RHOU: variants seen among roughly 807,000 people sequenced by gnomAD.
RHOU encodes ras homolog family member U, also known as rho-related GTP-binding protein RhoU.
RHOU carries 8 observed loss-of-function variants against 12.6 expected under a neutral mutation model. The observed-to-expected ratio is 0.64, with a 90% CI of 0.37 to 1.15. RHOU has a LOEUF of 1.15. RHOU is among the 50% of genes most tolerant of loss of function. The pLI is 0.01. For missense variants in RHOU, 258 were observed against 347.0 expected, an observed-to-expected ratio of 0.74 and a Z score of 2.04; for synonymous variants, 161 against 147.4, an observed-to-expected ratio of 1.09 and a Z score of -0.67.
the RHOU span, among the ~76,000 whole-genome samples, chr1:228,676,321 TC>T: frequency 1.3e-5 from 2 of 152,138 alleles, no homozygotes; most frequent in Non-Finnish European, 2.9e-5. Context: ...TTAAAGGGGT[TC>T]ACATTCCTCA....
At chr1:228,666,720 T>C in the RHOU span, among the ~76,000 whole-genome samples, 1 of 152,192 alleles carries the variant, frequency 6.6e-6, no homozygotes, top group Admixed American at 6.5e-5. Flanking sequence ...CTCAGGCTAC[T>C]TGGGTACTAA....
chr1:228,720,196 T>C, the RHOU span, among the ~76,000 whole-genome samples: 1 of 152,108 alleles, frequency 6.6e-6, no homozygotes, highest in African/African-American at 2.4e-5. Flanking sequence ...GGACTCCTAT[T>C]AGATTATGGG....
chr1:228,676,941 A>T, the RHOU span, among the ~76,000 whole-genome samples: 4 of 151,902 alleles, frequency 2.6e-5, no homozygotes, highest in East Asian at 7.7e-4. Flanking sequence ...GGATGTATGC[A>T]TGCAGGCCAC....
the RHOU span, among the ~76,000 whole-genome samples, chr1:228,690,513 C>T: frequency 0.13 from 20,149 of 151,724 alleles, 1,740 homozygotes; most frequent in African/African-American, 0.24. Flanking sequence ...TTAGTAGAGA[C>T]GGGGTTTCTC....
the RHOU span, chr1:228,650,860 G>A: frequency 5.0e-6 from 2 of 399,554 alleles, no homozygotes; most frequent in Middle Eastern, 4.0e-4. Flanking sequence ...ATGTCCCCTT[G>A]TGGACCTGGC....
chr1:228,675,777 A>G, the RHOU span, among the ~76,000 whole-genome samples: 1 of 152,200 alleles, frequency 6.6e-6, no homozygotes, highest in Non-Finnish European at 1.5e-5. Context: ...ATATTCAGAG[A>G]TCTTACAGGA....
At chr1:228,709,391 T>C in the RHOU span, among the ~76,000 whole-genome samples, 8 of 147,824 alleles carry the variant, frequency 5.4e-5, no homozygotes, top group African/African-American at 2.0e-4. Flanking sequence ...TATTCCAAAA[T>C]TGACCACATA....
the RHOU span, among the ~76,000 whole-genome samples, chr1:228,651,609 G>A: frequency 6.6e-6 from 1 of 152,302 alleles, no homozygotes; most frequent in South Asian, 2.1e-4. Context: ...GCTGACTACT[G>A]TACTTCCAGA....
the RHOU span, among the ~76,000 whole-genome samples, chr1:228,692,552 T>G: frequency 6.9e-6 from 1 of 144,772 alleles, no homozygotes; most frequent in South Asian, 2.1e-4. Flanking sequence ...TTTCAGATGC[T>G]ACTTTTCTGT....
the RHOU span, among the ~76,000 whole-genome samples, chr1:228,700,303 T>C: frequency 1.3e-5 from 2 of 152,360 alleles, no homozygotes; most frequent in East Asian, 3.9e-4. Context: ...TGATGTAGCA[T>C]GAAAATCTGG....
chr1:228,713,590 C>T, the RHOU span, among the ~76,000 whole-genome samples: 1 of 152,100 alleles, frequency 6.6e-6, no homozygotes, highest in Admixed American at 6.5e-5. Flanking sequence ...CCTCGGCCTC[C>T]CAAAGTGCTG....
chr1:228,655,610 A>G, the RHOU span, among the ~76,000 whole-genome samples: 1 of 152,184 alleles, frequency 6.6e-6, no homozygotes, highest in Admixed American at 6.5e-5. Flanking sequence ...TGTTGCTCAA[A>G]TGTGGCAAAA....
At chr1:228,708,087 G>T in the RHOU span, among the ~76,000 whole-genome samples, 1 of 152,154 alleles carries the variant, frequency 6.6e-6, no homozygotes, top group Non-Finnish European at 1.5e-5. Flanking sequence ...ATAAAATGAA[G>T]GGAGAAGGGA....
At chr1:228,685,347 T>C in the RHOU span, among the ~76,000 whole-genome samples, 17 of 152,220 alleles carry the variant, frequency 1.1e-4, no homozygotes, top group Non-Finnish European at 2.2e-4. Context: ...TCTATTAAGA[T>C]GGAGTTGCTC....
the RHOU span, among the ~76,000 whole-genome samples, chr1:228,719,164 AC>A: frequency 5.3e-5 from 8 of 152,230 alleles, no homozygotes; most frequent in African/African-American, 1.4e-4. Flanking sequence ...ACTTAGAAAA[AC>A]ATCCTTCTAT....
the RHOU span, among the ~76,000 whole-genome samples, chr1:228,676,145 T>A: frequency 1.3e-5 from 2 of 151,604 alleles, no homozygotes; most frequent in Admixed American, 6.6e-5. Context: ...CCCCCCTTTT[T>A]TTTTTAAAGT....
chr1:228,704,456 T>G, the RHOU span, among the ~76,000 whole-genome samples: 1 of 152,122 alleles, frequency 6.6e-6, no homozygotes, highest in East Asian at 1.9e-4. Context: ...TTTTTATTTT[T>G]ATTTTTATTT....
the RHOU span, among the ~76,000 whole-genome samples, chr1:228,712,043 A>C: frequency 6.8e-6 from 1 of 147,812 alleles, no homozygotes; most frequent in Non-Finnish European, 1.5e-5. Flanking sequence ...TATGCAGCCA[A>C]AAAACACATG....
chr1:228,708,682 C>A, the RHOU span, among the ~76,000 whole-genome samples: 1 of 151,690 alleles, frequency 6.6e-6, no homozygotes, highest in South Asian at 2.1e-4. Flanking sequence ...AAGGAACAAC[C>A]GGTACCAGCC....
Sources: gnomAD v4.1 joint callset for allele counts (sites outside exome capture counted in the v4.1 genomes callset) on GRCh38, gnomAD v4.1.1 for gene constraint, MANE v1.5 for transcripts, NCBI Gene and HGNC (gene_info 2026-07-23, HGNC 2026-07-21) for gene names.